DOK6: variants seen among roughly 807,000 people sequenced by gnomAD.
DOK6 encodes the protein downstream of tyrosine kinase 6.
DOK6 carries 22 observed loss-of-function variants against 44.0 expected under a neutral mutation model. The observed-to-expected ratio is 0.50, with a 90% confidence interval of 0.36 to 0.71. The LOEUF is 0.71. Among genes scored for constraint, DOK6 ranks in the 30% least tolerant of loss-of-function variants. DOK6 has a pLI of 0.00. For missense variants in DOK6, 340 were observed against 416.4 expected (o/e 0.82, Z 1.60); for synonymous variants, 166 against 145.5 (o/e 1.14, Z -1.01).
At chr18:69,548,430 A>G (rs552049374) in intron 1 of DOK6, among the ~76,000 whole-genome samples, 1 of 151,680 alleles carries the variant, frequency 6.6e-6, no homozygotes, top group East Asian at 1.9e-4. Flanking sequence ...TGGGCTTTAC[A>G]TTATCAGAGA....
intron 1 of DOK6, among the ~76,000 whole-genome samples, chr18:69,455,594 C>G (rs1979613129): frequency 6.6e-6 from 1 of 152,100 alleles, no homozygotes; most frequent in South Asian, 2.1e-4. Flanking sequence ...TGTGGAGTCA[C>G]AATTGTATAT....
chr18:69,675,963 G>A (rs566466834), intron 3 of DOK6, among the ~76,000 whole-genome samples: 2 of 152,122 alleles, frequency 1.3e-5, no homozygotes, highest in South Asian at 4.2e-4. Flanking sequence ...ATTTTTAGTA[G>A]CCTCCACAAA....
chr18:69,694,385 A>G (rs868262241), intron 4 of DOK6, among the ~76,000 whole-genome samples: 25 of 151,746 alleles, frequency 1.6e-4, no homozygotes, highest in South Asian at 1.5e-3. Flanking sequence ...CCTTGTAAAC[A>G]TAATTGCAGA....
At chr18:69,424,684 C>T (rs1170292396) in intron 1 of DOK6, among the ~76,000 whole-genome samples, 1 of 152,112 alleles carries the variant, frequency 6.6e-6, no homozygotes, top group Non-Finnish European at 1.5e-5. Flanking sequence ...AAGCTACTAT[C>T]TTCTAGTCTA....
In DOK6 at chr18:69,664,579, T is replaced by C. The variant is rs140818758; in HGVS notation, c.290-13155T>C. On this transcript the variant is annotated intron_variant, in intron 3 of 7. Coordinates refer to ENST00000382713, the MANE Select transcript of DOK6 (RefSeq NM_152721.6). Reference sequence around the variant, plus strand: ...TGGTCAAAACCACTAGCGGCCCTCTTCTTGGAAATAAACAAAGATACTCAT... The same window carrying C: ...TGGTCAAAACCACTAGCGGCCCTCTCCTTGGAAATAAACAAAGATACTCAT... 1.0e-3 allele frequency among the ~76,000 whole-genome samples: 158 copies of C among 152,320 alleles called. 1 individual carries two copies. The highest frequency in any genetic ancestry group is 3.6e-3 in the African/African-American group (151 of 41,568).
At chr18:69,430,069 A>T (rs1978760497) in intron 1 of DOK6, among the ~76,000 whole-genome samples, 1 of 152,082 alleles carries the variant, frequency 6.6e-6, no homozygotes, top group African/African-American at 2.4e-5. Context: ...GATCTTCAAA[A>T]CTCTTAATTA....
chr18:69,457,944 G>A (rs1979674967), intron 1 of DOK6, among the ~76,000 whole-genome samples: 2 of 152,120 alleles, frequency 1.3e-5, no homozygotes, highest in East Asian at 3.9e-4. Flanking sequence ...AGGAGTTTGA[G>A]ACCAGCCTGG....
intron 2 of DOK6, among the ~76,000 whole-genome samples, chr18:69,583,205 G>T (rs531951302): frequency 6.6e-6 from 1 of 152,244 alleles, no homozygotes; most frequent in African/African-American, 2.4e-5. Flanking sequence ...CATTCTCATT[G>T]ATGCCTACCC....
At chr18:69,734,697 A>G (rs1303351894) in intron 5 of DOK6, among the ~76,000 whole-genome samples, 2 of 152,188 alleles carry the variant, frequency 1.3e-5, no homozygotes, top group East Asian at 3.8e-4. Flanking sequence ...TACAGTGACA[A>G]TGAAATTATA....
Position 69,803,506 on chromosome 18 carries a change from T to G in DOK6, c.857-37738T>G, listed in dbSNP as rs183880177. 1.7e-3 allele frequency among the ~76,000 whole-genome samples: 264 copies of G among 152,338 alleles called. 7 individuals are homozygous for G. The highest frequency in any genetic ancestry group is 0.017 in the Admixed American group (258 of 15,288). Reference sequence around the variant, plus strand: ...GACTCACAATTTTATAGAATTCATTTACTCTTGATAAATCTAATGAAAGAA... The same window carrying G: ...GACTCACAATTTTATAGAATTCATTGACTCTTGATAAATCTAATGAAAGAA... On this transcript the variant is annotated intron_variant, in intron 7 of 7. Transcript: ENST00000382713.
intron 4 of DOK6, among the ~76,000 whole-genome samples, chr18:69,681,173 A>G (rs72963464): frequency 0.031 from 4,668 of 152,252 alleles, 125 homozygotes; most frequent in African/African-American, 0.069. Flanking sequence ...TTTTTCTACT[A>G]AGAGATATGT....
At chr18:69,471,192 G>A (rs1013603345) in intron 1 of DOK6, among the ~76,000 whole-genome samples, 4 of 145,860 alleles carry the variant, frequency 2.7e-5, no homozygotes, top group Admixed American at 1.4e-4. Flanking sequence ...AGAGGTTGCG[G>A]TGAGCTGAGA....
At chr18:69,679,878 A>T (rs1002114772) in intron 4 of DOK6, among the ~76,000 whole-genome samples, 3 of 152,124 alleles carry the variant, frequency 2.0e-5, no homozygotes, top group Non-Finnish European at 4.4e-5. Flanking sequence ...TTTATTTTAG[A>T]ATAGGACAAA....
intron 1 of DOK6, among the ~76,000 whole-genome samples, chr18:69,487,957 C>T (rs375747661): frequency 1.3e-5 from 2 of 152,170 alleles, no homozygotes; most frequent in African/African-American, 2.4e-5. Context: ...GCCCACATGT[C>T]TTAGTCTTCT....
At chr18:69,754,368 AG>A (rs1302887577) in intron 6 of DOK6, among the ~76,000 whole-genome samples, 11 of 150,830 alleles carry the variant, frequency 7.3e-5, no homozygotes, top group East Asian at 1.9e-4. Context: ...AAAAAAAAAA[AG>A]AAGTTATCAA....
chr18:69,594,780 G>A (rs566992476), intron 2 of DOK6, among the ~76,000 whole-genome samples: 1 of 151,566 alleles, frequency 6.6e-6, no homozygotes, highest in Non-Finnish European at 1.5e-5. Context: ...CTTGACATCA[G>A]AAGTTCAAGA....
intron 5 of DOK6, among the ~76,000 whole-genome samples, chr18:69,706,345 G>T (rs919403600): frequency 6.6e-6 from 1 of 152,072 alleles, no homozygotes; most frequent in African/African-American, 2.4e-5. Context: ...GACCTATCTG[G>T]TTTTCAGAAG....
At chr18:69,675,373 A>T (rs898714797) in intron 3 of DOK6, among the ~76,000 whole-genome samples, 1 of 152,356 alleles carries the variant, frequency 6.6e-6, no homozygotes, top group Non-Finnish European at 1.5e-5. Context: ...GACATATTTA[A>T]CGTTCTGATT....
At chr18:69,811,404 T>C (rs1417603706) in intron 7 of DOK6, among the ~76,000 whole-genome samples, 2 of 151,660 alleles carry the variant, frequency 1.3e-5, no homozygotes, top group Non-Finnish European at 2.9e-5. Context: ...ATGATAACTA[T>C]AGTTAATAAA....
Sources: gnomAD v4.1 joint callset for allele counts (sites outside exome capture counted in the v4.1 genomes callset) on GRCh38, gnomAD v4.1.1 for gene constraint, MANE v1.5 for transcripts, NCBI Gene and HGNC (gene_info 2026-07-23, HGNC 2026-07-21) for gene names.